The following DPH6 variants were observed in gnomAD, a reference collection of about 807,000 sequenced individuals.
The protein encoded by DPH6 is diphthamine biosynthesis 6.
In DPH6, 33 loss-of-function variants were observed where a neutral mutation model predicts 38.2. That is an observed-to-expected ratio of 0.86 (90% CI 0.65 to 1.15). The LOEUF (loss-of-function observed/expected upper bound fraction) is 1.15. Ranked by LOEUF, DPH6 falls within the 50% of genes most tolerant of loss-of-function variation. The probability of loss-of-function intolerance (pLI) is 0.00; values close to 1 mark genes in which losing one functional copy is unlikely to be tolerated. For synonymous variants in DPH6, 108 were observed against 103.0 expected (o/e 1.05, Z -0.30); for missense variants, 325 against 320.0 (o/e 1.02, Z -0.12).
chr15:35,285,872 G>GTTTTTTTGTTTTTTTT (rs1555391171), intron 3 of DPH6, among the ~76,000 whole-genome samples: 3 of 52,814 alleles, frequency 5.7e-5, no homozygotes, highest in African/African-American at 2.2e-4. Context: ...TTATCTTTGA[G>GTTTTTTTGTTTTTTTT]TTTTTTTTTT....
chr15:35,213,708 C>T (rs369160606), downstream of DPH6, among the ~76,000 whole-genome samples: 17 of 152,344 alleles, frequency 1.1e-4, no homozygotes, highest in East Asian at 2.5e-3. Context: ...AATTACATCA[C>T]ACAAAGATCC....
chr15:35,546,071 A>G, intron 1 of DPH6, 48 bp downstream of exon 1: 1 of 1,341,196 alleles, frequency 7.5e-7, no homozygotes, highest in East Asian at 3.1e-5. Context: ...GCTGGAAGGG[A>G]CGAGAGCCTG....
the DPH6 span, among the ~76,000 whole-genome samples, chr15:35,150,041 C>T: frequency 6.6e-6 from 1 of 152,198 alleles, no homozygotes; most frequent in East Asian, 1.9e-4. Flanking sequence ...AGAATACCTG[C>T]ACCAGCTTTC....
intron 3 of DPH6, among the ~76,000 whole-genome samples, chr15:35,281,823 C>T (rs1376478327): frequency 2.0e-5 from 3 of 152,272 alleles, no homozygotes; most frequent in East Asian, 1.9e-4. Flanking sequence ...CCGTAGATAC[C>T]TCAGGTAGCC....
intron 1 of DPH6, 25 bp downstream of exon 1, chr15:35,546,094 G>A: frequency 7.2e-7 from 1 of 1,384,138 alleles, no homozygotes. Flanking sequence ...CTAGGAGGAA[G>A]GAGGCGGCTC....
intron 5 of DPH6, among the ~76,000 whole-genome samples, chr15:35,423,552 C>T (rs914669331): frequency 3.3e-5 from 5 of 151,688 alleles, no homozygotes; most frequent in Admixed American, 3.3e-4. Flanking sequence ...TTGATGCAAT[C>T]CTATATGTCT....
chr15:35,175,409 G>A, the DPH6 span, among the ~76,000 whole-genome samples: 1 of 152,190 alleles, frequency 6.6e-6, no homozygotes, highest in Non-Finnish European at 1.5e-5. Flanking sequence ...TGTGACCCTC[G>A]TGAGCTGTTT....
intron 5 of DPH6, among the ~76,000 whole-genome samples, chr15:35,412,897 A>G (rs908913969): frequency 2.6e-5 from 4 of 151,712 alleles, no homozygotes; most frequent in Non-Finnish European, 5.9e-5. Flanking sequence ...GCACGATACT[A>G]TAATGATGAA....
At chr15:35,228,284 G>A (rs1449527060) in intron 3 of DPH6, among the ~76,000 whole-genome samples, 1 of 152,176 alleles carries the variant, frequency 6.6e-6, no homozygotes, top group Non-Finnish European at 1.5e-5. Context: ...TACTGCCCAT[G>A]TCTTGAAAAG....
At chr15:35,490,149 T>G (rs1356717698) in intron 3 of DPH6, 6 of 985,342 alleles carry the variant, frequency 6.1e-6, no homozygotes, top group Non-Finnish European at 7.2e-6. Context: ...AATTTGTACT[T>G]CACTTACACA....
intron 3 of DPH6, among the ~76,000 whole-genome samples, chr15:35,242,645 C>T (rs1397366268): frequency 7.0e-6 from 1 of 143,072 alleles, no homozygotes; most frequent in African/African-American, 2.5e-5. Flanking sequence ...ACACACCTCA[C>T]CAAGCTCAGC....
At chr15:35,344,359 CAA>C (rs2052445438) in intron 3 of DPH6, among the ~76,000 whole-genome samples, 2 of 151,816 alleles carry the variant, frequency 1.3e-5, no homozygotes, top group Admixed American at 6.6e-5. Context: ...AGGCTTGGGT[CAA>C]AAGTCTTAAC....
intron 7 of DPH6, among the ~76,000 whole-genome samples, chr15:35,375,726 C>G (rs1239708951): frequency 1.3e-5 from 2 of 152,084 alleles, no homozygotes; most frequent in Non-Finnish European, 2.9e-5. Flanking sequence ...CTCACCCCTA[C>G]TTAACAACAT....
At position 35,236,598 on chromosome 15, in the gene DPH6, C is replaced by G. The variant is rs372129752; in HGVS notation, n.201-16016G>C. Among the ~76,000 whole-genome samples the G allele has an allele frequency of 4.0e-5, 6 of 149,954 alleles. No individual in the cohort carries two copies. The East Asian group carries it at 1.2e-3, about 29-fold the overall frequency. On this transcript the variant is annotated intron_variant and non_coding_transcript_variant, in intron 3 of 3. Coordinates refer to the DPH6 transcript ENST00000560386. ...AGCTTGCAGTGAGCCCAGATCGCGC[C>G]ACTGCACTCCAGCCTGGGCGACAGA...
At chr15:35,500,605 C>A (rs1343166368) in intron 3 of DPH6, among the ~76,000 whole-genome samples, 1 of 152,134 alleles carries the variant, frequency 6.6e-6, no homozygotes, top group African/African-American at 2.4e-5. Context: ...TTTTTGTTCA[C>A]TGGCATTTAT....
chr15:35,409,759 T>C (rs111904269), intron 6 of DPH6, among the ~76,000 whole-genome samples: 81 of 152,058 alleles, frequency 5.3e-4, no homozygotes, highest in African/African-American at 1.9e-3. Flanking sequence ...CACATAAGCA[T>C]AGAAAGCAAC....
chr15:35,372,467 T>C (rs2052726067), intron 8 of DPH6: 1 of 265,610 alleles, frequency 3.8e-6, no homozygotes, highest in South Asian at 1.6e-4. Flanking sequence ...CTTTTGACTT[T>C]GTGTGTGCGT....
the DPH6 span, among the ~76,000 whole-genome samples, chr15:35,205,003 C>T: frequency 1.3e-5 from 2 of 151,894 alleles, no homozygotes; most frequent in African/African-American, 4.8e-5. Flanking sequence ...AGGTTAAGGG[C>T]TGCAAGTGTA....
chr15:35,385,843 C>T (rs572417369), intron 6 of DPH6, among the ~76,000 whole-genome samples: 1 of 152,012 alleles, frequency 6.6e-6, no homozygotes, highest in South Asian at 2.1e-4. Context: ...TTTATTGTTT[C>T]ACATTTTTTT....
Sources: gnomAD v4.1 joint callset for allele counts (sites outside exome capture counted in the v4.1 genomes callset) on GRCh38, gnomAD v4.1.1 for gene constraint, MANE v1.5 for transcripts, NCBI Gene and HGNC (gene_info 2026-07-23, HGNC 2026-07-21) for gene names.